The following FBN2 variants were observed in gnomAD, a reference collection of about 807,000 sequenced individuals.
FBN2 encodes the protein fibrillin-2.
Under a neutral mutation model 355.6 loss-of-function variants are expected in FBN2, and 105 were observed. That is an observed-to-expected ratio of 0.30 (90% CI 0.25 to 0.35). The LOEUF (loss-of-function observed/expected upper bound fraction) is 0.35, where lower values mean the gene tolerates loss of function less well. Ranked by LOEUF, FBN2 falls within the 10% of genes least tolerant of loss-of-function variation. The pLI, the probability that FBN2 is intolerant of heterozygous loss-of-function variation, is 1.00. For synonymous variants in FBN2, 1,350 were observed against 1,301.2 expected (o/e 1.04, Z -0.81); for missense variants, 3,280 against 3,758.7 (o/e 0.87, Z 3.33).
intron 42 of FBN2, among the ~76,000 whole-genome samples, chr5:128,306,722 G>T (rs186726232): frequency 6.6e-6 from 1 of 152,058 alleles, no homozygotes; most frequent in East Asian, 1.9e-4. Context: ...TGAAAAATAA[G>T]TCTGCACATT....
At chr5:128,377,998 T>A in intron 12 of FBN2, 121 bp from the exon 13 acceptor site, 1 of 951,668 alleles carries the variant, frequency 1.1e-6, no homozygotes, top group Non-Finnish European at 1.6e-6. Flanking sequence ...AAAATTTCTG[T>A]CTCTCAGCAG....
At chr5:128,448,299 T>G (rs1282760552) in intron 6 of FBN2, among the ~76,000 whole-genome samples, 1 of 151,992 alleles carries the variant, frequency 6.6e-6, no homozygotes, top group Non-Finnish European at 1.5e-5. Flanking sequence ...TCCAATATCC[T>G]AATTTTCTTT....
chr5:128,262,114 C>T (rs372573467), intron 63 of FBN2, among the ~76,000 whole-genome samples: 1 of 152,198 alleles, frequency 6.6e-6, no homozygotes, highest in Non-Finnish European at 1.5e-5. Flanking sequence ...TACAGTGGCA[C>T]GATCTTGCTC....
chr5:128,524,288 C>T (rs1475134116), intron 4 of FBN2, among the ~76,000 whole-genome samples: 1 of 152,088 alleles, frequency 6.6e-6, no homozygotes. Context: ...TCAGAGACCC[C>T]TGATGTAAAA....
chr5:128,316,037 C>T (rs1391278577), intron 36 of FBN2, among the ~76,000 whole-genome samples: 3 of 152,064 alleles, frequency 2.0e-5, no homozygotes, highest in African/African-American at 7.2e-5. Context: ...TTCTCTTTGC[C>T]AAAAATTATG....
At chr5:128,283,554 T>C (rs1749044925) in intron 55 of FBN2, among the ~76,000 whole-genome samples, 2 of 152,332 alleles carry the variant, frequency 1.3e-5, no homozygotes, top group South Asian at 2.1e-4. Context: ...TCTCTCTAAA[T>C]ATTGGAACAA....
At chr5:128,417,330 G>T (rs941502403) in intron 7 of FBN2, among the ~76,000 whole-genome samples, 1 of 152,012 alleles carries the variant, frequency 6.6e-6, no homozygotes, top group African/African-American at 2.4e-5. Context: ...TTTCTAATTT[G>T]TATGCCTTTT....
intron 55 of FBN2, among the ~76,000 whole-genome samples, chr5:128,283,383 A>C (rs1278084265): frequency 6.6e-6 from 1 of 152,214 alleles, no homozygotes; most frequent in Non-Finnish European, 1.5e-5. Context: ...GCTCCACTGA[A>C]ACCTCCTGAA....
intron 59 of FBN2, 118 bp downstream of exon 59, chr5:128,275,920 T>C: frequency 8.7e-7 from 1 of 1,147,742 alleles, no homozygotes; most frequent in South Asian, 1.2e-5. Flanking sequence ...ACATGGCCAC[T>C]AGGATGGGAC....
chr5:128,491,254 G>T (rs980210340), intron 5 of FBN2, among the ~76,000 whole-genome samples: 5 of 152,130 alleles, frequency 3.3e-5, no homozygotes, highest in East Asian at 1.9e-4. Flanking sequence ...TTTTGAAAAG[G>T]ACAGCAAGCC....
chr5:128,517,714 T>C (rs1334648395), intron 5 of FBN2, among the ~76,000 whole-genome samples: 1 of 152,238 alleles, frequency 6.6e-6, no homozygotes, highest in Non-Finnish European at 1.5e-5. Context: ...GATGAAGTTT[T>C]GTCAGGGTAA....
intron 5 of FBN2, among the ~76,000 whole-genome samples, chr5:128,498,128 G>T (rs564336652): frequency 6.6e-6 from 1 of 152,278 alleles, no homozygotes; most frequent in South Asian, 2.1e-4. Flanking sequence ...TTCCTTTGGG[G>T]ACTCCAGAAA....
chr5:128,428,518 T>C (rs77024256), intron 7 of FBN2, among the ~76,000 whole-genome samples: 3,003 of 152,268 alleles, frequency 0.02, 47 homozygotes, highest in Admixed American at 0.037. Context: ...CTGGCCCCCA[T>C]CAGGAATTCA....
intron 7 of FBN2, among the ~76,000 whole-genome samples, chr5:128,413,672 T>G (rs1406199291): frequency 6.6e-6 from 1 of 152,114 alleles, no homozygotes; most frequent in Non-Finnish European, 1.5e-5. Flanking sequence ...CAATGAATTC[T>G]AAGAACACCC....
At position 128,259,325 on chromosome 5, in the gene FBN2, G is replaced by A; in HGVS notation, c.*130C>T. On this transcript the variant is annotated 3_prime_UTR_variant, in exon 65 of 65. Transcript: ENST00000262464. Reference sequence around the variant, plus strand: ...CTCCCTGTGAGGGTCAACATTCAAAGTCTAAGACAGGGAGGAAAGAAACAA... The same window carrying A: ...CTCCCTGTGAGGGTCAACATTCAAAATCTAAGACAGGGAGGAAAGAAACAA... The A allele has an allele frequency of 8.1e-7, 1 of 1,240,992 alleles. No individual in the cohort carries two copies. The highest frequency in any genetic ancestry group is 1.7e-5 in the Admixed American group (1 of 59,014). 76.9% of individuals were successfully genotyped at this position (1,240,992 alleles called of 1,614,324 possible).
intron 11 of FBN2, among the ~76,000 whole-genome samples, chr5:128,383,646 T>C (rs1043302650): frequency 1.3e-5 from 2 of 152,044 alleles, no homozygotes; most frequent in African/African-American, 4.8e-5. Flanking sequence ...TGGACCAAGA[T>C]TTGAACTGAC....
rs568192029 is a variant in FBN2 at position 128,436,608 on chromosome 5, T to C, written c.952+9873A>G. ...AACCCTAAGTGATGTCATTTTTGCT[T>C]AGCACAAATAAGAAAAAGTCAAAAA... On this transcript the variant is annotated intron_variant, in intron 7 of 64. Transcript: ENST00000262464. Among the ~76,000 whole-genome samples, 84 of 150,092 alleles carry C rather than the reference T, an allele frequency of 5.6e-4. No individual in the cohort carries two copies. In the South Asian group the frequency reaches 0.018, roughly 32 times the overall value.
chr5:128,387,469 C>T (rs1218687771), intron 11 of FBN2, among the ~76,000 whole-genome samples: 3 of 152,086 alleles, frequency 2.0e-5, no homozygotes, highest in Non-Finnish European at 4.4e-5. Context: ...TCATTCGGTT[C>T]AGCTCTGAAT....
chr5:128,475,631 G>A (rs1457646808), intron 5 of FBN2, among the ~76,000 whole-genome samples: 1 of 152,010 alleles, frequency 6.6e-6, no homozygotes, highest in African/African-American at 2.4e-5. Context: ...ATGGCTCATG[G>A]CATCCTAGAC....
Sources: allele counts gnomAD v4.1 joint callset (sites outside exome capture counted in the v4.1 genomes callset), GRCh38; gene constraint gnomAD v4.1.1; transcripts MANE v1.5; gene names NCBI Gene and HGNC (gene_info 2026-07-23, HGNC 2026-07-21).